The following RUNX1 variants were observed in gnomAD, a reference collection of about 807,000 sequenced individuals.
RUNX1 encodes RUNX family transcription factor 1.
RUNX1 carries 19 observed loss-of-function variants against 42.8 expected under a neutral mutation model. That is an observed-to-expected ratio of 0.44 (90% CI 0.31 to 0.65). The LOEUF (loss-of-function observed/expected upper bound fraction) is 0.65, where lower values mean the gene tolerates loss of function less well. Ranked by LOEUF, RUNX1 falls within the 30% of genes least tolerant of loss-of-function variation. RUNX1 has a pLI of 0.07. For missense variants in RUNX1, 528 were observed against 672.0 expected (o/e 0.79, Z 2.37); for synonymous variants, 271 against 289.4 (o/e 0.94, Z 0.64).
At position 34,801,394 on chromosome 21, in the gene RUNX1, A is replaced by G. The variant is rs7279978; in HGVS notation, c.806-1932T>C. Reference sequence around the variant, plus strand: ...CCGTCATGTTTTACTGTAGTGAAAAAGTCGTGCTAGGCTTTTCTAAACTCA... The same window carrying G: ...CCGTCATGTTTTACTGTAGTGAAAAGGTCGTGCTAGGCTTTTCTAAACTCA... On this transcript the variant is annotated intron_variant, in intron 7 of 8. Transcript: ENST00000675419. Among the ~76,000 whole-genome samples, 202 of 152,338 alleles carry G rather than the reference A, an allele frequency of 1.3e-3. 1 individual carries two copies. The highest frequency in any genetic ancestry group is 4.8e-3 in the African/African-American group (199 of 41,584).
intron 2 of RUNX1, among the ~76,000 whole-genome samples, chr21:34,948,542 G>C (rs554605629): frequency 5.5e-4 from 83 of 152,262 alleles, no homozygotes; most frequent in African/African-American, 1.7e-3. Context: ...ACAGGCATTT[G>C]CTCTGGGGCT....
intron 2 of RUNX1, among the ~76,000 whole-genome samples, chr21:34,926,646 C>T (rs950885810): frequency 3.3e-5 from 5 of 151,580 alleles, no homozygotes; most frequent in Non-Finnish European, 7.4e-5. Context: ...TTTGGGGTTT[C>T]TTATAAAGCA....
At chr21:34,865,815 G>A (rs539211573) in intron 5 of RUNX1, among the ~76,000 whole-genome samples, 1 of 152,344 alleles carries the variant, frequency 6.6e-6, no homozygotes, top group East Asian at 1.9e-4. Flanking sequence ...TGTGCACACT[G>A]CTCCCCAAAG....
intron 2 of RUNX1, among the ~76,000 whole-genome samples, chr21:34,998,045 G>A (rs531777480): frequency 3.9e-5 from 6 of 152,132 alleles, no homozygotes; most frequent in Non-Finnish European, 8.8e-5. Flanking sequence ...CCTTGCCCTG[G>A]TGACATTATC....
intron 6 of RUNX1, among the ~76,000 whole-genome samples, chr21:34,838,112 G>A (rs987443578): frequency 6.6e-6 from 1 of 152,110 alleles, no homozygotes; most frequent in Non-Finnish European, 1.5e-5. Context: ...ATTTTGTGAC[G>A]GATAGTGAGA....
intron 2 of RUNX1, among the ~76,000 whole-genome samples, chr21:34,912,254 C>T (rs370184996): frequency 1.3e-5 from 2 of 149,116 alleles, no homozygotes; most frequent in East Asian, 3.9e-4. Flanking sequence ...ATGATGACTG[C>T]CAGGCATTGA....
chr21:34,886,404 G>C (rs900526240), intron 4 of RUNX1, among the ~76,000 whole-genome samples: 1 of 152,236 alleles, frequency 6.6e-6, no homozygotes, highest in African/African-American at 2.4e-5. Context: ...CTTGAAGGCA[G>C]AAAAGTCTTA....
At chr21:34,861,751 C>A (rs2057579543) in intron 5 of RUNX1, among the ~76,000 whole-genome samples, 1 of 152,192 alleles carries the variant, frequency 6.6e-6, no homozygotes. Context: ...AGTCTTCCTG[C>A]CCTTCAGCAT....
intron 2 of RUNX1, among the ~76,000 whole-genome samples, chr21:34,983,221 AG>A (rs1348705855): frequency 3.9e-5 from 6 of 152,236 alleles, no homozygotes; most frequent in Non-Finnish European, 8.8e-5. Context: ...GCTTCTAGGA[AG>A]GTTAAGCATT....
chr21:34,895,525 C>T (rs1249639742), intron 2 of RUNX1, among the ~76,000 whole-genome samples: 1 of 152,132 alleles, frequency 6.6e-6, no homozygotes, highest in African/African-American at 2.4e-5. Context: ...TGATTTTTGA[C>T]TTGACTTTTG....
At chr21:34,859,651 T>C (rs1395244480) in intron 5 of RUNX1, 73 bp from the exon 6 acceptor site, 1 of 1,193,484 alleles carries the variant, frequency 8.4e-7, no homozygotes, top group East Asian at 2.3e-5. Context: ...TAACCAATCA[T>C]TAATTTATGC....
At chr21:34,988,798 T>C (rs1413618072) in intron 2 of RUNX1, among the ~76,000 whole-genome samples, 2 of 152,112 alleles carry the variant, frequency 1.3e-5, no homozygotes, top group African/African-American at 4.8e-5. Flanking sequence ...GCACATGAGG[T>C]TGTTTGAGAA....
chr21:34,854,540 G>A (rs958015058), intron 6 of RUNX1, among the ~76,000 whole-genome samples: 2 of 149,438 alleles, frequency 1.3e-5, no homozygotes, highest in African/African-American at 2.5e-5. Context: ...AGCCAAGATC[G>A]CACCACTGCA....
At chr21:34,867,777 C>A (rs908763984) in intron 5 of RUNX1, among the ~76,000 whole-genome samples, 47 of 152,198 alleles carry the variant, frequency 3.1e-4, no homozygotes, top group African/African-American at 1.1e-3. Flanking sequence ...CAAAACACCC[C>A]AAAACCCTGA....
At chr21:34,888,032 A>T in intron 3 of RUNX1, 1 of 1,066,238 alleles carries the variant, frequency 9.4e-7, no homozygotes. Flanking sequence ...GATGTTGGTT[A>T]AGTTTGTGGC....
At chr21:34,828,714 T>C (rs141825017) in intron 7 of RUNX1, among the ~76,000 whole-genome samples, 1,801 of 152,158 alleles carry the variant, frequency 0.012, 20 homozygotes, top group Non-Finnish European at 0.019. Context: ...CATGCTACCA[T>C]TGAGGGAGTA....
intron 2 of RUNX1, 96 bp from the exon 3 acceptor site, chr21:34,893,059 A>C: frequency 1.4e-6 from 1 of 733,670 alleles, no homozygotes; most frequent in African/African-American, 1.8e-5. Context: ...TTCTTCTTAC[A>C]CTTTTTAGCA....
At chr21:34,973,436 G>A (rs962037409) in intron 2 of RUNX1, among the ~76,000 whole-genome samples, 2 of 152,182 alleles carry the variant, frequency 1.3e-5, no homozygotes, top group South Asian at 2.1e-4. Context: ...GTGTCATCAT[G>A]TGTGGGAAAT....
intron 6 of RUNX1, among the ~76,000 whole-genome samples, chr21:34,858,829 G>T (rs939101541): frequency 6.6e-6 from 1 of 152,178 alleles, no homozygotes; most frequent in Non-Finnish European, 1.5e-5. Context: ...TCACTGTGAA[G>T]ACATCTTTTC....
Sources: allele counts gnomAD v4.1 joint callset (sites outside exome capture counted in the v4.1 genomes callset), GRCh38; gene constraint gnomAD v4.1.1; transcripts MANE v1.5; gene names NCBI Gene and HGNC (gene_info 2026-07-23, HGNC 2026-07-21).